The following ZFP1 variants were observed in gnomAD, a reference collection of about 807,000 sequenced individuals.
The protein encoded by ZFP1 is ZFP1 zinc finger protein, also known as zinc finger protein 1 homolog.
ZFP1 carries 32 observed loss-of-function variants against 38.5 expected under a neutral mutation model. The observed-to-expected ratio is 0.83, with a 90% confidence interval of 0.63 to 1.12. ZFP1 has a LOEUF of 1.12. ZFP1 is among the 50% of genes most tolerant of loss of function. ZFP1 has a pLI of 0.00. For missense variants in ZFP1, 616 were observed against 480.8 expected, an observed-to-expected ratio of 1.28 and a Z score of -2.63; for synonymous variants, 245 against 168.8, an observed-to-expected ratio of 1.45 and a Z score of -3.50.
chr16:75,169,600 G>A lies in ZFP1; in HGVS notation c.490G>A (p.Ala164Thr). The change falls in exon 4 of 4, where the codon GCC becomes ACC. Residue 164 changes from alanine to threonine, a missense_variant. Transcript: ENST00000570010. The stretch of plus-strand genomic sequence containing the variant: ...TTCTGAATACAATAAAAGTGGAAAA[G>A]CCCTCAGCCATAAAGCAGCCATTTT... ...EYSEYNKSGK[A>T]LSHKAAIFKH... 6.3e-7 allele frequency: 1 copy of A among 1,594,998 alleles called. No homozygotes were observed. The highest frequency in any genetic ancestry group is 8.5e-7 in the Non-Finnish European group (1 of 1,174,844).
chr16:75,150,372 C>G (rs1307211079), intron 1 of ZFP1, among the ~76,000 whole-genome samples: 1 of 74,018 alleles, frequency 1.4e-5, no homozygotes, highest in Non-Finnish European at 2.7e-5. Flanking sequence ...CTACACCTGG[C>G]TAATTTTTTT....
Position 75,170,362 on chromosome 16 carries a change from A to G in ZFP1, c.*28A>G. 1 of 1,529,734 alleles carries G rather than the reference A, an allele frequency of 6.5e-7. No homozygotes were observed. Among genetic ancestry groups the G allele is most frequent in the South Asian group, 1.3e-5 (1 of 76,386 alleles). 94.8% of individuals were successfully genotyped at this position (1,529,734 alleles called of 1,614,324 possible). A position where few individuals can be genotyped will look rare whatever the true frequency, so the allele number is the denominator to read the frequency against. On this transcript the variant is annotated 3_prime_UTR_variant, in exon 4 of 4. Transcript: ENST00000570010. ...CTCCAGCCAGGTCTTACTGTGGAAA[A>G]CTCCTGCCAGAACTCTTCAAGCGGG...
the ZFP1 span, among the ~76,000 whole-genome samples, chr16:75,133,907 G>T: frequency 6.6e-6 from 1 of 151,028 alleles, no homozygotes; most frequent in Admixed American, 6.6e-5. Context: ...AAATTAGCCA[G>T]GCGTGCTGGT....
At chr16:75,139,399 C>CAAAAAAAAACAA in the ZFP1 span, among the ~76,000 whole-genome samples, 1 of 123,660 alleles carries the variant, frequency 8.1e-6, no homozygotes, top group African/African-American at 3.1e-5. Flanking sequence ...AAAAAAAACA[C>CAAAAAAAAACAA]CGTCAGAGCC....
At chr16:75,162,263 C>T (rs563286159) in intron 2 of ZFP1, among the ~76,000 whole-genome samples, 36 of 151,876 alleles carry the variant, frequency 2.4e-4, no homozygotes, top group Admixed American at 2.3e-3. Context: ...GCTGGGACTA[C>T]AGGCAGGCAC....
At chr16:75,146,722 T>C (rs2036950929), upstream of ZFP1, among the ~76,000 whole-genome samples, 2 of 152,092 alleles carry the variant, frequency 1.3e-5, no homozygotes, top group African/African-American at 4.8e-5. Flanking sequence ...GAGGATTTCT[T>C]GATCCCAGGA....
chr16:75,167,069 C>T (rs141048955), intron 3 of ZFP1, among the ~76,000 whole-genome samples, 173 bp downstream of exon 3: 251 of 152,326 alleles, frequency 1.6e-3, no homozygotes, highest in African/African-American at 5.8e-3. Context: ...TCCTTTAAGG[C>T]TTCTGAAGTC....
chr16:75,121,660 C>T, the ZFP1 span, among the ~76,000 whole-genome samples: 1 of 152,136 alleles, frequency 6.6e-6, no homozygotes, highest in Non-Finnish European at 1.5e-5. Flanking sequence ...ATGCCTAATA[C>T]GTCTATGTAT....
At chr16:75,130,664 A>G in the ZFP1 span, among the ~76,000 whole-genome samples, 1 of 152,106 alleles carries the variant, frequency 6.6e-6, no homozygotes, top group South Asian at 2.1e-4. Context: ...GTTATTTTAG[A>G]GAAACAGTGT....
the ZFP1 span, among the ~76,000 whole-genome samples, chr16:75,135,281 G>A: frequency 1.5e-4 from 7 of 45,244 alleles, no homozygotes; most frequent in South Asian, 7.7e-4. Flanking sequence ...ACAGTGGAAC[G>A]TTAATCAGCA....
At chr16:75,145,284 G>GA (rs2036930784), upstream of ZFP1, among the ~76,000 whole-genome samples, 1 of 152,208 alleles carries the variant, frequency 6.6e-6, no homozygotes, top group East Asian at 1.9e-4. Context: ...ATGCTGGTGA[G>GA]AAATTGGAGC....
At chr16:75,158,594 AT>A in intron 2 of ZFP1, among the ~76,000 whole-genome samples, 1 of 141,732 alleles carries the variant, frequency 7.1e-6, no homozygotes, top group South Asian at 2.2e-4. Context: ...TGCCTGGCCT[AT>A]TTCTGTCTTT....
chr16:75,154,625 A>G (rs1184832431), intron 2 of ZFP1, among the ~76,000 whole-genome samples: 1 of 149,258 alleles, frequency 6.7e-6, no homozygotes, highest in African/African-American at 2.5e-5. Flanking sequence ...TTAATAGGCA[A>G]GAAAGAAAAG....
At chr16:75,166,713 A>T in intron 2 of ZFP1, 57 bp from the exon 3 acceptor site, 1 of 1,613,046 alleles carries the variant, frequency 6.2e-7, no homozygotes, top group Non-Finnish European at 8.5e-7. Flanking sequence ...GTTTTCATCT[A>T]TCCTTTCTAT....
At chr16:75,153,115 T>G (rs1297126724) in intron 2 of ZFP1, 149 bp downstream of exon 2, 7 of 1,055,180 alleles carry the variant, frequency 6.6e-6, no homozygotes, top group Non-Finnish European at 9.5e-6. Context: ...AAAAGCAAAT[T>G]GAGTTAATTA....
Position 75,169,769 on chromosome 16 carries a change from C to T in ZFP1, c.659C>T (p.Thr220Ile), listed in dbSNP as rs770389920. 1.9e-6 allele frequency: 3 copies of T among 1,613,340 alleles called. No homozygotes were observed. The highest frequency in any genetic ancestry group is 1.7e-5 in the Admixed American group (1 of 59,856). Reference protein sequence around the residue: ...KPYECNVCKKTFSHKANLIKH... With the variant: ...KPYECNVCKKIFSHKANLIKH... Reference sequence around the variant, plus strand: ...TATGAATGCAATGTATGTAAGAAAACCTTCTCCCATAAGGCCAACCTCATC... The same window carrying T: ...TATGAATGCAATGTATGTAAGAAAATCTTCTCCCATAAGGCCAACCTCATC... Residue 220 changes from threonine to isoleucine, a missense_variant, in exon 4 of 4, where the codon ACC becomes ATC. Coordinates refer to ENST00000570010, the MANE Select transcript of ZFP1 (RefSeq NM_153688.4).
At chr16:75,144,835 TTC>T (rs1315427543), upstream of ZFP1, among the ~76,000 whole-genome samples, 1 of 152,232 alleles carries the variant, frequency 6.6e-6, no homozygotes, top group African/African-American at 2.4e-5. Context: ...TTTTTTTCTT[TTC>T]TTTTCTTTTA....
intron 2 of ZFP1, among the ~76,000 whole-genome samples, chr16:75,161,932 C>T (rs1306436511): frequency 1.4e-5 from 2 of 147,370 alleles, no homozygotes; most frequent in Non-Finnish European, 3.0e-5. Flanking sequence ...CTACAGGCGC[C>T]CGCTACTGTG....
rs2038330158 is a variant in ZFP1, at chr16:75,169,935, G to A, written c.825G>A (p.Lys275=). Residue 275 remains lysine (K), a synonymous_variant, in exon 4 of 4, where the codon AAG becomes AAA. Transcript: ENST00000570010. ...CCTATGAGTGCAGTGAATGTGGAAA[G>A]ACATTTGCCCAAAAGTTTGAACTCA... is the stretch of plus-strand genomic sequence containing the variant. The part of the protein sequence containing the change: ...KKPYECSECG[K]TFAQKFELTT... The A allele has an allele frequency of 6.2e-7, 1 of 1,614,076 alleles. No individual in the cohort carries two copies. Among genetic ancestry groups the A allele is most frequent in the Admixed American group, 1.7e-5 (1 of 60,016 alleles).
Sources: gnomAD v4.1 joint callset for allele counts (sites outside exome capture counted in the v4.1 genomes callset) on GRCh38, gnomAD v4.1.1 for gene constraint, MANE v1.5 for transcripts, NCBI Gene and HGNC (gene_info 2026-07-23, HGNC 2026-07-21) for gene names.